Variants in THUMPD2 observed in about 807,000 individuals in gnomAD.
THUMPD2 encodes THUMP domain 2 tRNA and snRNA guanosine methyltransferase.
Under a neutral mutation model 49.4 loss-of-function variants are expected in THUMPD2, and 56 were observed. That is an observed-to-expected ratio of 1.13 (90% CI 0.91 to 1.41). The LOEUF (loss-of-function observed/expected upper bound fraction) is 1.41, where lower values mean the gene tolerates loss of function less well. Among genes scored for constraint, THUMPD2 ranks in the 40% most tolerant of loss-of-function variants. The pLI is 0.00. For missense variants in THUMPD2, 709 were observed against 594.5 expected (o/e 1.19, Z -2.00); for synonymous variants, 237 against 205.2 (o/e 1.15, Z -1.32).
chr2:39,742,574 A>C (rs1305649120), intron 9 of THUMPD2, among the ~76,000 whole-genome samples: 1 of 152,240 alleles, frequency 6.6e-6, no homozygotes, highest in Non-Finnish European at 1.5e-5. Context: ...CAGTTAGAGT[A>C]AGCCACCATC....
intron 8 of THUMPD2, among the ~76,000 whole-genome samples, chr2:39,747,158 G>C (rs1674714342): frequency 6.6e-6 from 1 of 152,084 alleles, no homozygotes; most frequent in Non-Finnish European, 1.5e-5. Context: ...TAATATTTTT[G>C]GGTTACACTT....
In THUMPD2 at chr2:39,768,349, G is replaced by A. The variant is rs962577747; in HGVS notation, c.750+75C>T. On this transcript the variant is annotated intron_variant, in intron 4 of 9. Transcript: ENST00000505747. Reference sequence around the variant, plus strand: ...TATAACTGTAAAATAAAACGGAAAAGTATGATAAGAATACAGGACACTGTC... The same window carrying A: ...TATAACTGTAAAATAAAACGGAAAAATATGATAAGAATACAGGACACTGTC... 1.8e-5 allele frequency: 22 copies of A among 1,238,386 alleles called. No homozygotes were observed. The East Asian group carries it at 2.8e-4, about 16-fold the overall frequency. 76.7% of individuals were successfully genotyped at this position (1,238,386 alleles called of 1,614,324 possible). A position where few individuals can be genotyped will look rare whatever the true frequency, so the allele number is the denominator to read the frequency against.
chr2:39,779,015 G>A (rs1679505177), intron 1 of THUMPD2, 99 bp downstream of exon 1: 1 of 1,332,142 alleles, frequency 7.5e-7, no homozygotes, highest in Non-Finnish European at 9.6e-7. Flanking sequence ...GGAACAGAGA[G>A]GGGCGCCAGC....
At chr2:39,767,694 T>C (rs1677738098) in intron 4 of THUMPD2, among the ~76,000 whole-genome samples, 2 of 151,520 alleles carry the variant, frequency 1.3e-5, no homozygotes, top group South Asian at 4.2e-4. Context: ...ACATTTAGTA[T>C]GACAAACAAT....
chr2:39,742,784 C>T (rs977850166), intron 9 of THUMPD2, among the ~76,000 whole-genome samples: 13 of 152,100 alleles, frequency 8.5e-5, no homozygotes, highest in Non-Finnish European at 1.3e-4. Context: ...ATTAAGTTAG[C>T]GCCTTCGTGG....
At chr2:39,754,159 T>C (rs1402289734) in intron 8 of THUMPD2, among the ~76,000 whole-genome samples, 3 of 152,172 alleles carry the variant, frequency 2.0e-5, no homozygotes, top group Non-Finnish European at 4.4e-5. Flanking sequence ...TCTGGAACAA[T>C]TTAGGAACCA....
intron 4 of THUMPD2, among the ~76,000 whole-genome samples, chr2:39,767,249 C>G (rs1441755753): frequency 6.6e-6 from 1 of 152,038 alleles, no homozygotes; most frequent in African/African-American, 2.4e-5. Context: ...AAAAACAATT[C>G]TGAGACAATG....
At chr2:39,740,177 G>A (rs561154936) in intron 9 of THUMPD2, among the ~76,000 whole-genome samples, 82 of 152,246 alleles carry the variant, frequency 5.4e-4, no homozygotes, top group African/African-American at 2.0e-3. Flanking sequence ...TGGTCATATA[G>A]TTAAGTTTGA....
At chr2:39,739,600 C>A (rs1197930020) in intron 9 of THUMPD2, among the ~76,000 whole-genome samples, 1 of 152,196 alleles carries the variant, frequency 6.6e-6, no homozygotes, top group East Asian at 1.9e-4. Flanking sequence ...CTGTCGTATT[C>A]ACTGCTGTAA....
Position 39,779,181 on chromosome 2 carries a change from C to T in THUMPD2, c.59G>A (p.Cys20Tyr). The T allele has an allele frequency of 1.3e-6, 2 of 1,519,734 alleles. No individual in the cohort carries two copies. Among genetic ancestry groups the T allele is most frequent in the Non-Finnish European group, 8.8e-7 (1 of 1,139,160 alleles). The allele number at this position is 1,519,734 out of a possible 1,614,324, so 94.1% of individuals were successfully genotyped here. Residue 20 changes from cysteine to tyrosine, a missense_variant, in exon 1 of 10, where the codon TGC (cysteine) becomes TAC (tyrosine). Transcript: ENST00000505747. The part of the protein sequence containing the change: ...SGPEAGARFF[C>Y]TAGRGLEPFV... The stretch of plus-strand genomic sequence containing the variant: ...CGGCTCCAGGCCGCGACCCGCAGTG[C>T]AGAAGAATCGGGCGCCAGCCTCAGG...
chr2:39,761,251 A>C, intron 6 of THUMPD2, 80 bp downstream of exon 6: 1 of 1,230,524 alleles, frequency 8.1e-7, no homozygotes, highest in Non-Finnish European at 1.2e-6. Context: ...AAGTAACATA[A>C]ATATCCATCA....
chr2:39,779,044 C>A, intron 1 of THUMPD2, 70 bp downstream of exon 1: 2 of 1,379,936 alleles, frequency 1.4e-6, no homozygotes, highest in Non-Finnish European at 1.9e-6. Flanking sequence ...CCCGCGTCCA[C>A]GACTGGGGTG....
chr2:39,765,269 C>T (rs1677361496), intron 5 of THUMPD2, among the ~76,000 whole-genome samples: 1 of 152,082 alleles, frequency 6.6e-6, no homozygotes, highest in African/African-American at 2.4e-5. Flanking sequence ...AAGTGATTCT[C>T]CTGCCTCAGC....
intron 1 of THUMPD2, among the ~76,000 whole-genome samples, chr2:39,775,740 G>A (rs1011885955): frequency 7.0e-6 from 1 of 141,914 alleles, no homozygotes; most frequent in African/African-American, 2.7e-5. Context: ...TCCAGCCTGG[G>A]CGACAGAGTA....
intron 9 of THUMPD2, among the ~76,000 whole-genome samples, chr2:39,740,079 T>C (rs1293273081): frequency 6.6e-6 from 1 of 152,196 alleles, no homozygotes; most frequent in African/African-American, 2.4e-5. Context: ...TTATGTATCA[T>C]TTAAACTTCA....
intron 8 of THUMPD2, among the ~76,000 whole-genome samples, chr2:39,747,411 CAAG>C (rs1207964136): frequency 3.9e-5 from 6 of 152,122 alleles, no homozygotes; most frequent in African/African-American, 1.4e-4. Flanking sequence ...TCATCTTAAT[CAAG>C]AAGTCCATAA....
At chr2:39,751,078 T>C (rs1188551546) in intron 8 of THUMPD2, among the ~76,000 whole-genome samples, 2 of 152,246 alleles carry the variant, frequency 1.3e-5, no homozygotes, top group Non-Finnish European at 2.9e-5. Flanking sequence ...CTACACATAT[T>C]TCATATACAC....
Position 39,747,104 on chromosome 2 carries a change from A to T in THUMPD2, c.1079-2626T>A, listed in dbSNP as rs925446070. Among the ~76,000 whole-genome samples the T allele has an allele frequency of 5.9e-5, 9 of 152,290 alleles. No homozygotes were observed. The East Asian group carries it at 1.7e-3, about 29-fold the overall frequency. On this transcript the variant is annotated intron_variant, in intron 8 of 9. Coordinates refer to ENST00000505747, the MANE Select transcript of THUMPD2 (RefSeq NM_025264.5). Reference sequence around the variant, plus strand: ...TGTGAAATGTTGTCGGAACTTTTTCATATTTCAAAATGTTTGTCCTTAAGA... The same window carrying T: ...TGTGAAATGTTGTCGGAACTTTTTCTTATTTCAAAATGTTTGTCCTTAAGA...
intron 3 of THUMPD2, chr2:39,768,859 C>T (rs1405656633): frequency 6.4e-6 from 8 of 1,254,508 alleles, no homozygotes; most frequent in Non-Finnish European, 8.4e-6. Flanking sequence ...TACTATAAGC[C>T]TATGTGTTTA....
Sources: allele counts gnomAD v4.1 joint callset (sites outside exome capture counted in the v4.1 genomes callset), GRCh38; gene constraint gnomAD v4.1.1; transcripts MANE v1.5; gene names NCBI Gene and HGNC (gene_info 2026-07-23, HGNC 2026-07-21).